DCLK1: variants seen among roughly 807,000 people sequenced by gnomAD.
DCLK1 encodes the protein doublecortin like kinase 1.
A neutral mutation model predicts 86.2 loss-of-function variants in DCLK1; 16 were observed. That is an observed-to-expected ratio of 0.19 (90% CI 0.13 to 0.28). DCLK1 has a LOEUF of 0.28. Ranked by LOEUF, DCLK1 falls within the 10% of genes least tolerant of loss-of-function variation. DCLK1 has a pLI of 1.00. For synonymous variants in DCLK1, 369 were observed against 370.5 expected, an observed-to-expected ratio of 1.00 and a Z score of 0.05; for missense variants, 590 against 940.2, an observed-to-expected ratio of 0.63 and a Z score of 4.87.
chr13:36,007,281 T>C (rs565229111), intron 3 of DCLK1, among the ~76,000 whole-genome samples: 5 of 152,228 alleles, frequency 3.3e-5, no homozygotes, highest in Admixed American at 3.3e-4. Context: ...TTCTTACTGA[T>C]AAAGCTTAGT....
At chr13:35,933,424 G>T (rs1296925759) in intron 4 of DCLK1, among the ~76,000 whole-genome samples, 2 of 152,202 alleles carry the variant, frequency 1.3e-5, no homozygotes, top group African/African-American at 4.8e-5. Context: ...TTTCCCTTCT[G>T]CATTGCCCTA....
chr13:35,960,894 T>C (rs1878419424), intron 3 of DCLK1, among the ~76,000 whole-genome samples: 1 of 152,258 alleles, frequency 6.6e-6, no homozygotes, highest in African/African-American at 2.4e-5. Flanking sequence ...TGGCCTTCTC[T>C]TACGATGTCA....
intron 3 of DCLK1, among the ~76,000 whole-genome samples, chr13:36,097,879 T>C (rs1023421626): frequency 2.6e-5 from 4 of 152,198 alleles, no homozygotes; most frequent in African/African-American, 9.7e-5. Context: ...ATGAATTTTA[T>C]ATACTTAAAG....
rs1045273568 is a variant in DCLK1, at chr13:36,005,743, T to C, written c.724-58286A>G. 3.9e-5 allele frequency among the ~76,000 whole-genome samples: 6 copies of C among 152,084 alleles called. 1 individual carries two copies. Among genetic ancestry groups the C allele is most frequent in the African/African-American group, 9.7e-5 (4 of 41,400 alleles). Reference sequence around the variant, plus strand: ...TTGGGATTAGCAGCACTATTTCCAATAGCAAAGACTAGAAACCAACCGAAA... The same window carrying C: ...TTGGGATTAGCAGCACTATTTCCAACAGCAAAGACTAGAAACCAACCGAAA... On this transcript the variant is annotated intron_variant, in intron 3 of 16. Coordinates refer to ENST00000360631, the MANE Select transcript of DCLK1 (RefSeq NM_001330071.2).
chr13:35,925,426 A>T (rs1480335646), intron 4 of DCLK1, among the ~76,000 whole-genome samples: 1 of 152,238 alleles, frequency 6.6e-6, no homozygotes, highest in Admixed American at 6.5e-5. Context: ...AAATATGCTA[A>T]TGTTCTCACC....
At chr13:36,119,673 G>A (rs1469905697) in intron 2 of DCLK1, among the ~76,000 whole-genome samples, 2 of 152,078 alleles carry the variant, frequency 1.3e-5, no homozygotes, top group Non-Finnish European at 2.9e-5. Context: ...CAAACTGTGG[G>A]ACATTCTACA....
At chr13:35,987,725 C>T (rs764475561) in intron 3 of DCLK1, among the ~76,000 whole-genome samples, 68 of 152,292 alleles carry the variant, frequency 4.5e-4, no homozygotes, top group East Asian at 7.7e-4. Flanking sequence ...CCCTGAGTAA[C>T]GCGGCCACAG....
intron 3 of DCLK1, among the ~76,000 whole-genome samples, chr13:36,052,923 C>T (rs887929480): frequency 6.6e-6 from 1 of 152,170 alleles, no homozygotes; most frequent in African/African-American, 2.4e-5. Flanking sequence ...AGTAGTCTCT[C>T]AGCCTGAGTC....
chr13:35,955,959 G>A (rs1416017272), intron 3 of DCLK1, among the ~76,000 whole-genome samples: 1 of 152,106 alleles, frequency 6.6e-6, no homozygotes, highest in Non-Finnish European at 1.5e-5. Context: ...ATGAAGAATA[G>A]AGTTTACTTA....
At chr13:36,068,500 T>A (rs1441728052) in intron 3 of DCLK1, among the ~76,000 whole-genome samples, 1 of 152,132 alleles carries the variant, frequency 6.6e-6, no homozygotes, top group Non-Finnish European at 1.5e-5. Flanking sequence ...AAAAATTAAA[T>A]CCTTAGATTT....
At chr13:36,084,952 A>G (rs1221043300) in intron 3 of DCLK1, among the ~76,000 whole-genome samples, 1 of 152,218 alleles carries the variant, frequency 6.6e-6, no homozygotes, top group African/African-American at 2.4e-5. Context: ...TACTCCATAA[A>G]TATGTATACA....
At chr13:35,957,999 CCATTAT>C (rs1878111779) in intron 3 of DCLK1, among the ~76,000 whole-genome samples, 6 of 145,764 alleles carry the variant, frequency 4.1e-5, no homozygotes, top group African/African-American at 1.5e-4. Context: ...ACCACCACCA[CCATTAT>C]CACCATCACC....
At chr13:36,056,045 GA>G in intron 3 of DCLK1, among the ~76,000 whole-genome samples, 1 of 148,272 alleles carries the variant, frequency 6.7e-6, no homozygotes, top group Non-Finnish European at 1.5e-5. Context: ...AACCATTGTG[GA>G]AGTCAGTGTG....
chr13:35,824,064 C>T (rs2087462053), intron 10 of DCLK1, among the ~76,000 whole-genome samples: 1 of 152,206 alleles, frequency 6.6e-6, no homozygotes, highest in Admixed American at 6.5e-5. Context: ...GGACAGTCAC[C>T]GTGGTCTATG....
intron 3 of DCLK1, among the ~76,000 whole-genome samples, chr13:35,951,202 C>T (rs529460653): frequency 1.3e-5 from 2 of 151,494 alleles, no homozygotes; most frequent in South Asian, 4.2e-4. Context: ...TTAGTTGGGA[C>T]ATGGTGCCTG....
In DCLK1 at chr13:35,976,525, G is replaced by GTTTTTTTT. The variant is rs11294824; in HGVS notation, c.724-29076_724-29069dup. ...CTCCCAGCACTTCAGCTTCTCCGAG[G>GTTTTTTTT]TTTTTTTTTTTTTTTTTTTTTTTGA... On this transcript the variant is annotated intron_variant, in intron 3 of 16. Transcript: ENST00000360631. 2.3e-3 allele frequency among the ~76,000 whole-genome samples: 132 copies of GTTTTTTTT among 56,362 alleles called. 16 individuals are homozygous for GTTTTTTTT. Among genetic ancestry groups the GTTTTTTTT allele is most frequent in the Non-Finnish European group, 3.5e-3 (106 of 29,986 alleles). The allele number at this position is 56,362 out of a possible 152,430, so 37.0% of individuals were successfully genotyped here.
intron 16 of DCLK1, 149 bp from the exon 17 acceptor site, chr13:35,774,848 C>A: frequency 1.2e-6 from 1 of 867,692 alleles, no homozygotes; most frequent in Non-Finnish European, 1.7e-6. Context: ...AGTCACCACT[C>A]TCAGGGAGCC....
At chr13:35,853,746 G>C (rs1213588332) in intron 6 of DCLK1, among the ~76,000 whole-genome samples, 1 of 152,082 alleles carries the variant, frequency 6.6e-6, no homozygotes, top group Non-Finnish European at 1.5e-5. Flanking sequence ...CCTTGCGTCT[G>C]AAATCAGGAC....
chr13:35,814,628 A>G (rs998508231), intron 11 of DCLK1, among the ~76,000 whole-genome samples: 1 of 152,216 alleles, frequency 6.6e-6, no homozygotes, highest in Non-Finnish European at 1.5e-5. Flanking sequence ...ATTAATTGTC[A>G]GTCAAGGAGT....
Sources: allele counts gnomAD v4.1 joint callset (sites outside exome capture counted in the v4.1 genomes callset), GRCh38; gene constraint gnomAD v4.1.1; transcripts MANE v1.5; gene names NCBI Gene and HGNC (gene_info 2026-07-23, HGNC 2026-07-21).